TANC2: variants seen among roughly 807,000 people sequenced by gnomAD.
TANC2 encodes the protein protein TANC2.
A neutral mutation model predicts 210.5 loss-of-function variants in TANC2; 26 were observed. That is an observed-to-expected ratio of 0.12 (90% CI 0.09 to 0.17). The LOEUF (loss-of-function observed/expected upper bound fraction) is 0.17, where lower values mean the gene tolerates loss of function less well. Ranked by LOEUF, TANC2 falls within the 10% of genes least tolerant of loss-of-function variation. TANC2 has a pLI of 1.00. For synonymous variants in TANC2, 931 were observed against 967.1 expected, an observed-to-expected ratio of 0.96 and a Z score of 0.69; for missense variants, 2,129 against 2,608.9, an observed-to-expected ratio of 0.82 and a Z score of 4.01.
chr17:63,247,174 C>T (rs1278735066), intron 8 of TANC2, among the ~76,000 whole-genome samples: 1 of 152,022 alleles, frequency 6.6e-6, no homozygotes, highest in Non-Finnish European at 1.5e-5. Flanking sequence ...ATTCTGGATA[C>T]AAGTCACATC....
intron 14 of TANC2, among the ~76,000 whole-genome samples, chr17:63,360,957 G>A (rs1225170521): frequency 6.6e-6 from 1 of 152,214 alleles, no homozygotes; most frequent in Non-Finnish European, 1.5e-5. Flanking sequence ...CATCCATGTT[G>A]TTGTAAATGA....
intron 2 of TANC2, among the ~76,000 whole-genome samples, chr17:63,049,263 G>A (rs2035491813): frequency 6.6e-6 from 1 of 152,176 alleles, no homozygotes; most frequent in South Asian, 2.1e-4. Flanking sequence ...AGTGGGTGAA[G>A]ATGACCAGAA....
At chr17:63,145,385 A>G (rs1230507631) in intron 4 of TANC2, among the ~76,000 whole-genome samples, 1 of 152,172 alleles carries the variant, frequency 6.6e-6, no homozygotes, top group African/African-American at 2.4e-5. Context: ...TTAGGAACTA[A>G]AATGTTATAA....
At chr17:63,248,900 T>G (rs1288718151) in intron 8 of TANC2, among the ~76,000 whole-genome samples, 2 of 152,166 alleles carry the variant, frequency 1.3e-5, no homozygotes, top group African/African-American at 2.4e-5. Context: ...AGCTTTTAAC[T>G]TACATATGAC....
At chr17:63,079,193 C>G (rs2036678635) in intron 3 of TANC2, among the ~76,000 whole-genome samples, 1 of 152,156 alleles carries the variant, frequency 6.6e-6, no homozygotes, top group Non-Finnish European at 1.5e-5. Context: ...TTCCCCCATT[C>G]ACGCAGTCCC....
At chr17:63,227,502 T>TTG (rs2042358448) in intron 7 of TANC2, among the ~76,000 whole-genome samples, 1 of 152,228 alleles carries the variant, frequency 6.6e-6, no homozygotes, top group South Asian at 2.1e-4. Context: ...ATTCTGGACA[T>TTG]TAGATCTTTT....
At chr17:63,049,383 G>A (rs1283053523) in intron 2 of TANC2, among the ~76,000 whole-genome samples, 2 of 152,100 alleles carry the variant, frequency 1.3e-5, no homozygotes, top group African/African-American at 4.8e-5. Context: ...GTGGTGGTGG[G>A]GTACCATTTT....
chr17:63,258,161 CT>C (rs2043253907), intron 8 of TANC2, among the ~76,000 whole-genome samples: 1 of 152,094 alleles, frequency 6.6e-6, no homozygotes, highest in Non-Finnish European at 1.5e-5. Flanking sequence ...CTCATCAGCA[CT>C]TTAAATATGT....
At chr17:63,073,479 A>C (rs984803186) in intron 2 of TANC2, among the ~76,000 whole-genome samples, 7 of 152,158 alleles carry the variant, frequency 4.6e-5, no homozygotes, top group Non-Finnish European at 8.8e-5. Context: ...GATTTATTTT[A>C]TAGGTTTATT....
intron 2 of TANC2, among the ~76,000 whole-genome samples, chr17:63,019,549 G>A (rs2034259238): frequency 1.3e-5 from 2 of 152,042 alleles, no homozygotes; most frequent in African/African-American, 2.4e-5. Context: ...GTATATAGAG[G>A]TATCTCATTG....
In TANC2 at chr17:63,302,512, T is replaced by G. The variant is rs146032991; in HGVS notation, c.1160-11876T>G. Among the ~76,000 whole-genome samples, 175 of 152,116 alleles carry G rather than the reference T, an allele frequency of 1.2e-3. 1 individual carries two copies. The highest frequency in any genetic ancestry group is 4.2e-3 in the African/African-American group (175 of 41,470). On this transcript the variant is annotated intron_variant, in intron 9 of 27. Transcript: ENST00000689528. ...TAGCTCTTATTGTTGAACTGATCCC[T>G]TTACCATTATGTAATGCCCCCTTTG...
chr17:63,276,300 A>C (rs550321988), intron 9 of TANC2, among the ~76,000 whole-genome samples: 1 of 152,116 alleles, frequency 6.6e-6, no homozygotes, highest in African/African-American at 2.4e-5. Context: ...TAAATGTTGT[A>C]TATCACCTTA....
At chr17:63,018,726 C>T (rs2034221772) in intron 2 of TANC2, among the ~76,000 whole-genome samples, 1 of 152,150 alleles carries the variant, frequency 6.6e-6, no homozygotes, top group Non-Finnish European at 1.5e-5. Context: ...CACCTGCTCC[C>T]TTGTTAACCC....
chr17:63,111,537 C>T (rs915399529), intron 4 of TANC2, among the ~76,000 whole-genome samples: 1 of 152,082 alleles, frequency 6.6e-6, no homozygotes, highest in Non-Finnish European at 1.5e-5. Flanking sequence ...TCTTCGTGGA[C>T]AATATTGTTA....
chr17:63,055,459 A>G (rs1233094450), intron 2 of TANC2, among the ~76,000 whole-genome samples: 2 of 152,118 alleles, frequency 1.3e-5, no homozygotes, highest in African/African-American at 4.8e-5. Flanking sequence ...CCCAATTGAG[A>G]TGGGCAGCTA....
intron 25 of TANC2, among the ~76,000 whole-genome samples, chr17:63,415,048 C>T (rs2048817031): frequency 6.6e-6 from 1 of 152,194 alleles, no homozygotes; most frequent in Non-Finnish European, 1.5e-5. Flanking sequence ...CTTTAGCTCC[C>T]ACATCCTTCA....
At chr17:63,179,441 G>A (rs115150200) in intron 5 of TANC2, among the ~76,000 whole-genome samples, 107 of 152,248 alleles carry the variant, frequency 7.0e-4, no homozygotes, top group African/African-American at 2.5e-3. Context: ...TGTAAGATAA[G>A]AAATGTCGTG....
intron 4 of TANC2, among the ~76,000 whole-genome samples, chr17:63,145,309 A>T (rs562822601): frequency 1.3e-5 from 2 of 152,128 alleles, no homozygotes; most frequent in South Asian, 4.1e-4. Context: ...CTCTCCTTCT[A>T]CCCTTCTTTC....
intron 18 of TANC2, among the ~76,000 whole-genome samples, chr17:63,397,235 A>G (rs976452526): frequency 6.6e-6 from 1 of 152,164 alleles, no homozygotes; most frequent in African/African-American, 2.4e-5. Flanking sequence ...AGATCATGCC[A>G]TTGTACTCCA....
Sources: gnomAD v4.1 joint callset for allele counts (sites outside exome capture counted in the v4.1 genomes callset) on GRCh38, gnomAD v4.1.1 for gene constraint, MANE v1.5 for transcripts, NCBI Gene and HGNC (gene_info 2026-07-23, HGNC 2026-07-21) for gene names.